LAMA2: variants seen among roughly 807,000 people sequenced by gnomAD.
The protein encoded by LAMA2 is laminin subunit alpha-2.
Under a neutral mutation model 364.8 loss-of-function variants are expected in LAMA2, and 269 were observed. The observed-to-expected ratio is 0.74, with a 90% CI of 0.67 to 0.82. The LOEUF (loss-of-function observed/expected upper bound fraction) is 0.82, where lower values mean the gene tolerates loss of function less well. Among genes scored for constraint, LAMA2 ranks in the 40% least tolerant of loss-of-function variants. The probability of loss-of-function intolerance (pLI) is 0.00; values close to 1 mark genes in which losing one functional copy is unlikely to be tolerated. For missense variants in LAMA2, 3,807 were observed against 3,873.2 expected, an observed-to-expected ratio of 0.98 and a Z score of 0.45; for synonymous variants, 1,379 against 1,370.6, an observed-to-expected ratio of 1.01 and a Z score of -0.14.
chr6:128,956,910 C>G (rs1350100399), intron 1 of LAMA2, among the ~76,000 whole-genome samples: 3 of 151,948 alleles, frequency 2.0e-5, no homozygotes, highest in African/African-American at 7.2e-5. Context: ...AAATAAATTC[C>G]TCTCTGAGAC....
chr6:129,128,474 G>T (rs973635344), intron 4 of LAMA2, among the ~76,000 whole-genome samples: 2 of 152,042 alleles, frequency 1.3e-5, no homozygotes, highest in African/African-American at 2.4e-5. Context: ...GATTTTGACT[G>T]TTCTTGGTTT....
At chr6:129,111,086 G>A (rs1274408349) in intron 4 of LAMA2, among the ~76,000 whole-genome samples, 2 of 151,972 alleles carry the variant, frequency 1.3e-5, no homozygotes, top group African/African-American at 2.4e-5. Flanking sequence ...GGAGTGGAAT[G>A]GTTATGATTA....
Position 129,369,981 on chromosome 6 carries a change from G to T in LAMA2, c.4950G>T (p.Leu1650=), listed in dbSNP as rs904695353. ...LNTLVTEMNE[L]LTRATKVTAD... is the part of the protein sequence containing the mutation. The stretch of plus-strand genomic sequence containing the variant: ...CACTCGTGACCGAAATGAACGAGCT[G>T]CTGACCAGGGTAAGGTGGCAAAATT... The change falls in exon 34 of 65, where the codon CTG becomes CTT. Residue 1650 remains leucine (L), a synonymous_variant. Coordinates refer to ENST00000421865, the MANE Select transcript of LAMA2 (RefSeq NM_000426.4). 3 of 1,613,860 alleles carry T rather than the reference G, an allele frequency of 1.9e-6. No homozygotes were observed. The highest frequency in any genetic ancestry group is 2.7e-5 in the African/African-American group (2 of 74,926).
intron 21 of LAMA2, among the ~76,000 whole-genome samples, chr6:129,298,837 C>G (rs190166573): frequency 6.6e-6 from 1 of 150,780 alleles, no homozygotes; most frequent in East Asian, 2.0e-4. Flanking sequence ...ATAAGTTATT[C>G]TAATTGATAA....
At chr6:129,440,195 T>C (rs1167211137) in intron 42 of LAMA2, among the ~76,000 whole-genome samples, 6 of 151,936 alleles carry the variant, frequency 3.9e-5, no homozygotes, top group African/African-American at 1.2e-4. Context: ...AGGTACAATA[T>C]ACAAATTAGG....
chr6:129,199,369 A>T (rs960194382), intron 12 of LAMA2, among the ~76,000 whole-genome samples: 3 of 152,242 alleles, frequency 2.0e-5, no homozygotes, highest in African/African-American at 4.8e-5. Flanking sequence ...GGCTATCTAC[A>T]TAAAAATCAA....
At chr6:129,026,593 A>C (rs112291913) in intron 1 of LAMA2, among the ~76,000 whole-genome samples, 2 of 152,186 alleles carry the variant, frequency 1.3e-5, no homozygotes, top group African/African-American at 4.8e-5. Flanking sequence ...CTATTTCCCA[A>C]ATAACTTCAT....
In LAMA2 at chr6:129,342,408, C is replaced by T; in HGVS notation, c.4377C>T (p.Val1459=). The T allele has an allele frequency of 1.2e-6, 2 of 1,613,408 alleles. No individual in the cohort carries two copies. Among genetic ancestry groups the T allele is most frequent in the South Asian group, 1.1e-5 (1 of 91,054 alleles). ...ERCALGYYGI[V]KGLPNDCQQC... is the part of the protein sequence containing the mutation. Reference sequence around the variant, plus strand: ...GTGCTCTTGGATACTATGGAATTGTCAAGGGATTGCCAAATGACTGTCAGC... The same window carrying T: ...GTGCTCTTGGATACTATGGAATTGTTAAGGGATTGCCAAATGACTGTCAGC... The change falls in exon 30 of 65, where the codon GTC becomes GTT. Residue 1459 remains valine, a synonymous_variant. Transcript: ENST00000421865.
intron 1 of LAMA2, among the ~76,000 whole-genome samples, chr6:128,940,267 C>T (rs1298077170): frequency 6.6e-6 from 1 of 152,038 alleles, no homozygotes; most frequent in African/African-American, 2.4e-5. Context: ...AGACTGTCTC[C>T]CTAGACCACC....
At chr6:128,892,692 T>C (rs963242187) in intron 1 of LAMA2, among the ~76,000 whole-genome samples, 2 of 151,926 alleles carry the variant, frequency 1.3e-5, no homozygotes, top group African/African-American at 2.4e-5. Context: ...TCTCTCAATA[T>C]AGATTGTCTT....
intron 29 of LAMA2, among the ~76,000 whole-genome samples, chr6:129,340,697 C>T (rs767328245): frequency 9.9e-5 from 15 of 151,406 alleles, no homozygotes; most frequent in Non-Finnish European, 2.1e-4. Context: ...ATTAGCCTGG[C>T]GTGGTGGTAT....
At chr6:128,925,763 C>T (rs561964698) in intron 1 of LAMA2, among the ~76,000 whole-genome samples, 3 of 152,172 alleles carry the variant, frequency 2.0e-5, no homozygotes, top group African/African-American at 4.8e-5. Flanking sequence ...TTTAGTTCTG[C>T]GTTTACATAG....
intron 1 of LAMA2, among the ~76,000 whole-genome samples, chr6:128,968,971 G>A (rs1322901874): frequency 2.0e-5 from 3 of 152,180 alleles, no homozygotes; most frequent in Non-Finnish European, 4.4e-5. Context: ...AAGGAGACAA[G>A]GGTTGGAGGC....
At chr6:129,112,614 C>T (rs1429656247) in intron 4 of LAMA2, among the ~76,000 whole-genome samples, 1 of 151,600 alleles carries the variant, frequency 6.6e-6, no homozygotes, top group Admixed American at 6.6e-5. Flanking sequence ...CAAACACTGT[C>T]TTAGGTGCAG....
intron 54 of LAMA2, among the ~76,000 whole-genome samples, chr6:129,479,235 G>A (rs9483033): frequency 0.31 from 47,077 of 152,016 alleles, 7,688 homozygotes; most frequent in African/African-American, 0.42. Context: ...AATTTACACC[G>A]TAGCCATTAG....
intron 14 of LAMA2, among the ~76,000 whole-genome samples, chr6:129,252,841 T>C (rs980263477): frequency 5.3e-5 from 8 of 152,190 alleles, no homozygotes; most frequent in Admixed American, 1.3e-4. Context: ...CCAAACTGAA[T>C]AGAAATTCAA....
intron 10 of LAMA2, among the ~76,000 whole-genome samples, chr6:129,184,933 GA>G (rs1374329393): frequency 7.9e-5 from 12 of 151,952 alleles, no homozygotes; most frequent in African/African-American, 2.9e-4. Flanking sequence ...TCTAGCCTTG[GA>G]AAAGTGTGTT....
In LAMA2 at chr6:129,098,368, A is replaced by C; in HGVS notation, c.592A>C (p.Ile198Leu). The C allele has an allele frequency of 6.2e-7, 1 of 1,614,082 alleles. No individual in the cohort carries two copies. The highest frequency in any genetic ancestry group is 8.5e-7 in the Non-Finnish European group (1 of 1,179,966). Reference protein sequence around the residue: ...PPSYAKDDEVICTSFYSKIHP... With the variant: ...PPSYAKDDEVLCTSFYSKIHP... The stretch of plus-strand genomic sequence containing the variant: ...GTCATATGCCAAAGATGATGAGGTC[A>C]TCTGCACTTCATTTTACTCCAAGAT... The change falls in exon 4 of 65, where the codon ATC (isoleucine) becomes CTC (leucine). Residue 198 changes from isoleucine to leucine, a missense_variant. Coordinates refer to ENST00000421865, the MANE Select transcript of LAMA2 (RefSeq NM_000426.4).
In LAMA2 at chr6:129,091,968, G is replaced by A. The variant is rs564728332; in HGVS notation, c.397-6205G>A. On this transcript the variant is annotated intron_variant, in intron 3 of 64. Coordinates refer to ENST00000421865, the MANE Select transcript of LAMA2 (RefSeq NM_000426.4). ...ATTGCCTACACATTTTTGTTACACA[G>A]TAAGAGCCAGGTTCTATGTGGCTTA... 2.0e-5 allele frequency among the ~76,000 whole-genome samples: 3 copies of A among 152,334 alleles called. 1 individual carries two copies. The highest frequency in any genetic ancestry group is 4.1e-4 in the South Asian group (2 of 4,824).
Sources: allele counts gnomAD v4.1 joint callset (sites outside exome capture counted in the v4.1 genomes callset), GRCh38; gene constraint gnomAD v4.1.1; transcripts MANE v1.5; gene names NCBI Gene and HGNC (gene_info 2026-07-23, HGNC 2026-07-21).